The following ATP5MC2 variants were observed in gnomAD, a reference collection of about 807,000 sequenced individuals.
The protein encoded by ATP5MC2 is ATP synthase membrane subunit c locus 2, also known as ATP synthase F(0) complex subunit C2, mitochondrial.
In ATP5MC2, 11 loss-of-function variants were observed where a neutral mutation model predicts 13.5. The observed-to-expected ratio is 0.81, with a 90% confidence interval of 0.51 to 1.35. ATP5MC2 has a LOEUF of 1.35. Ranked by LOEUF, ATP5MC2 falls within the 40% of genes most tolerant of loss-of-function variation. The probability of loss-of-function intolerance (pLI) is 0.00; values close to 1 mark genes in which losing one functional copy is unlikely to be tolerated. For synonymous variants in ATP5MC2, 64 were observed against 69.7 expected (o/e 0.92, Z 0.41); for missense variants, 132 against 175.0 (o/e 0.75, Z 1.39).
Position 53,669,271 on chromosome 12 carries a change from G to A in ATP5MC2, c.188C>T (p.Ala63Val). ...TGCTGTGTCGATGTCCCTTGAAATG[G>A]CGCTGGTTTGGAAGCTGCGGCTAGA... is the stretch of plus-strand genomic sequence containing the variant. ...LVSSRSFQTS[A>V]ISRDIDTAAK... The change falls in exon 4 of 5, where the codon GCC (alanine) becomes GTC (valine). Residue 63 changes from alanine (A) to valine (V), a missense_variant. Transcript: ENST00000394349. The A allele has an allele frequency of 1.2e-6, 2 of 1,614,126 alleles. No individual in the cohort carries two copies. The highest frequency in any genetic ancestry group is 1.7e-6 in the Non-Finnish European group (2 of 1,180,014).
At chr12:53,675,303 C>T (rs148023765) in intron 1 of ATP5MC2, among the ~76,000 whole-genome samples, 100 of 152,306 alleles carry the variant, frequency 6.6e-4, no homozygotes, top group African/African-American at 2.3e-3. Flanking sequence ...CTCATGCTGG[C>T]CCCACTAGCT....
At chr12:53,669,032 C>CA in intron 4 of ATP5MC2, 116 bp downstream of exon 4, 1 of 1,363,004 alleles carries the variant, frequency 7.3e-7, no homozygotes, top group South Asian at 2.0e-5. Context: ...AACAAACAAA[C>CA]AAACAACATG....
At chr12:53,674,516 T>C (rs891677998) in intron 1 of ATP5MC2, among the ~76,000 whole-genome samples, 1 of 152,264 alleles carries the variant, frequency 6.6e-6, no homozygotes, top group Admixed American at 6.5e-5. Context: ...TTACATGCTT[T>C]CTAATATGTC....
At chr12:53,678,501 A>G (rs117169795), upstream of ATP5MC2, among the ~76,000 whole-genome samples, 125 of 152,324 alleles carry the variant, frequency 8.2e-4, no homozygotes, top group Non-Finnish European at 1.6e-3. Context: ...ACTCAACTAC[A>G]CTTTAAAAAC....
chr12:53,676,318 T>TA (rs1945275343), upstream of ATP5MC2: 5 of 1,410,354 alleles, frequency 3.5e-6, no homozygotes, highest in Non-Finnish European at 4.8e-6. Context: ...AGCCGATCCG[T>TA]AACGTGGACT....
chr12:53,666,517 C>T (rs936733424), intron 4 of ATP5MC2, among the ~76,000 whole-genome samples: 3 of 150,934 alleles, frequency 2.0e-5, no homozygotes, highest in African/African-American at 7.3e-5. Context: ...GCAGAGGATG[C>T]AGTGATCCAA....
At chr12:53,672,718 C>T in intron 1 of ATP5MC2, 73 bp from the exon 2 acceptor site, 1 of 1,401,794 alleles carries the variant, frequency 7.1e-7, no homozygotes, top group Non-Finnish European at 9.8e-7. Context: ...GAAAAGGGGC[C>T]CTAGAAAGCT....
At chr12:53,671,152 C>A (rs1945084895) in intron 2 of ATP5MC2, among the ~76,000 whole-genome samples, 1 of 152,142 alleles carries the variant, frequency 6.6e-6, no homozygotes, top group South Asian at 2.1e-4. Flanking sequence ...GCCAGTGACA[C>A]CAAAACAGAC....
intron 2 of ATP5MC2, 59 bp downstream of exon 2, chr12:53,672,517 G>C: frequency 8.1e-6 from 12 of 1,487,364 alleles, no homozygotes; most frequent in Non-Finnish European, 1.1e-5. Context: ...AAGGTCTGAT[G>C]GAAAGAGAGA....
At chr12:53,675,002 A>C (rs1945222757) in intron 1 of ATP5MC2, among the ~76,000 whole-genome samples, 1 of 152,216 alleles carries the variant, frequency 6.6e-6, no homozygotes, top group South Asian at 2.1e-4. Flanking sequence ...TAACATACAT[A>C]AAGAGTTTAA....
At chr12:53,674,596 T>C (rs753652239) in intron 1 of ATP5MC2, among the ~76,000 whole-genome samples, 22 of 152,228 alleles carry the variant, frequency 1.4e-4, no homozygotes, top group Non-Finnish European at 2.8e-4. Flanking sequence ...TGAACTCAGA[T>C]TGTCCCAGGT....
At chr12:53,676,276 G>A, upstream of ATP5MC2, 2 of 1,503,816 alleles carry the variant, frequency 1.3e-6, no homozygotes, top group South Asian at 1.2e-5. Flanking sequence ...AGGGAGCGCC[G>A]ACTGCAGAAA....
At chr12:53,678,657 AG>A (rs1200729335), upstream of ATP5MC2, among the ~76,000 whole-genome samples, 1 of 152,178 alleles carries the variant, frequency 6.6e-6, no homozygotes, top group Non-Finnish European at 1.5e-5. Flanking sequence ...GGCTCCAAAA[AG>A]GAGGTTTGTA....
chr12:53,668,321 A>G (rs1219600509), intron 4 of ATP5MC2, among the ~76,000 whole-genome samples: 1 of 146,482 alleles, frequency 6.8e-6, no homozygotes, highest in African/African-American at 2.5e-5. Flanking sequence ...TTTTTCCCCA[A>G]AGTCTCACTC....
upstream of ATP5MC2, among the ~76,000 whole-genome samples, chr12:53,679,299 C>T (rs943136057): frequency 1.4e-5 from 2 of 141,882 alleles, no homozygotes; most frequent in African/African-American, 2.8e-5. Context: ...CAGAGAAATG[C>T]GAAGAAAAAA....
At chr12:53,675,806 T>C (rs1945245529) in intron 1 of ATP5MC2, among the ~76,000 whole-genome samples, 1 of 152,070 alleles carries the variant, frequency 6.6e-6, no homozygotes, top group African/African-American at 2.4e-5. Context: ...CACTCCAGGA[T>C]CTAACTTTGG....
chr12:53,667,991 A>G (rs1267251116), intron 4 of ATP5MC2, among the ~76,000 whole-genome samples: 1 of 84,580 alleles, frequency 1.2e-5, no homozygotes, highest in Admixed American at 1.3e-4. Context: ...ATATATATAT[A>G]TATAAATTTT....
chr12:53,670,218 T>A (rs1187428088), intron 2 of ATP5MC2: 9 of 459,772 alleles, frequency 2.0e-5, no homozygotes, highest in Non-Finnish European at 3.7e-5. Flanking sequence ...CCTTGCTATA[T>A]CCTTTTATAG....
intron 1 of ATP5MC2, among the ~76,000 whole-genome samples, chr12:53,675,680 G>C (rs1220987545): frequency 5.9e-5 from 9 of 152,206 alleles, no homozygotes; most frequent in Non-Finnish European, 1.3e-4. Flanking sequence ...CACAAGTCAG[G>C]ATGAGAAGAG....
Sources: allele counts gnomAD v4.1 joint callset (sites outside exome capture counted in the v4.1 genomes callset), GRCh38; gene constraint gnomAD v4.1.1; transcripts MANE v1.5; gene names NCBI Gene and HGNC (gene_info 2026-07-23, HGNC 2026-07-21).